The following TRPM7 variants were observed in gnomAD, a reference collection of about 807,000 sequenced individuals.
TRPM7 encodes the protein LTRPC ion channel family member 7.
In TRPM7, 134 loss-of-function variants were observed where a neutral mutation model predicts 229.7. The ratio of observed to expected loss-of-function variants is 0.58; its 90% CI spans 0.51 to 0.67. The LOEUF (loss-of-function observed/expected upper bound fraction) is 0.67, where lower values mean the gene tolerates loss of function less well. Ranked by LOEUF, TRPM7 falls within the 30% of genes least tolerant of loss-of-function variation. The pLI is 0.00. For missense variants in TRPM7, 1,901 were observed against 2,210.0 expected (o/e 0.86, Z 2.80); for synonymous variants, 699 against 715.2 (o/e 0.98, Z 0.36).
chr15:50,643,979 C>T (rs1018633889), intron 4 of TRPM7, among the ~76,000 whole-genome samples: 22 of 152,042 alleles, frequency 1.4e-4, no homozygotes, highest in African/African-American at 5.1e-4. Flanking sequence ...AAGGCTCTTG[C>T]TATGAAGAGA....
intron 29 of TRPM7, 137 bp from the exon 30 acceptor site, chr15:50,581,045 A>T (rs1027040426): frequency 1.5e-6 from 1 of 680,334 alleles, no homozygotes; most frequent in South Asian, 2.6e-5. Flanking sequence ...TTGTTTCATA[A>T]AACAATAAAT....
intron 12 of TRPM7, among the ~76,000 whole-genome samples, chr15:50,621,652 C>T (rs1490955408): frequency 1.3e-5 from 2 of 152,084 alleles, no homozygotes; most frequent in Non-Finnish European, 2.9e-5. Context: ...TACGAGAATC[C>T]AGCTGCTTTT....
At chr15:50,686,218 G>C (rs533279272) in intron 1 of TRPM7, among the ~76,000 whole-genome samples, 1 of 152,226 alleles carries the variant, frequency 6.6e-6, no homozygotes, top group East Asian at 1.9e-4. Flanking sequence ...CGCTGAGGCC[G>C]CTCAGCTGAG....
intron 1 of TRPM7, among the ~76,000 whole-genome samples, chr15:50,673,560 G>C (rs1046787133): frequency 9.2e-5 from 14 of 152,082 alleles, no homozygotes; most frequent in Admixed American, 9.2e-4. Flanking sequence ...TTAGAATTAA[G>C]AGTCTCCAAT....
chr15:50,682,553 G>A (rs1413355948), intron 1 of TRPM7, among the ~76,000 whole-genome samples: 1 of 150,480 alleles, frequency 6.6e-6, no homozygotes, highest in Non-Finnish European at 1.5e-5. Context: ...TCCAGCCTGG[G>A]CGACAAGAGG....
intron 17 of TRPM7, 92 bp downstream of exon 17, chr15:50,611,001 C>T: frequency 2.0e-6 from 2 of 986,444 alleles, no homozygotes; most frequent in Non-Finnish European, 1.5e-6. Flanking sequence ...ATTACACTCA[C>T]ACATCAAGGC....
intron 3 of TRPM7, among the ~76,000 whole-genome samples, chr15:50,650,957 G>C (rs1222010718): frequency 2.6e-5 from 4 of 152,192 alleles, no homozygotes; most frequent in Non-Finnish European, 5.9e-5. Context: ...TGAAAATGGA[G>C]ACCGGCAGTT....
intron 27 of TRPM7, among the ~76,000 whole-genome samples, chr15:50,589,319 CAAAA>C (rs34653276): frequency 2.5e-5 from 2 of 81,616 alleles, no homozygotes; most frequent in African/African-American, 4.5e-5. Context: ...GACTCCGTCT[CAAAA>C]AAAAAAAAAA....
intron 1 of TRPM7, among the ~76,000 whole-genome samples, chr15:50,668,661 C>A (rs1390803887): frequency 1.3e-5 from 2 of 152,154 alleles, no homozygotes; most frequent in African/African-American, 2.4e-5. Context: ...ATGCCCGCCA[C>A]CACACCAAGC....
chr15:50,570,603 G>T (rs2053831016), intron 36 of TRPM7, among the ~76,000 whole-genome samples: 1 of 151,612 alleles, frequency 6.6e-6, no homozygotes, highest in Non-Finnish European at 1.5e-5. Context: ...AGCACTTTGG[G>T]CGGCCAAGGC....
intron 4 of TRPM7, among the ~76,000 whole-genome samples, chr15:50,643,806 C>T (rs1567070181): frequency 1.3e-5 from 2 of 152,152 alleles, no homozygotes. Context: ...GTTACTCTTT[C>T]TGTTTAAACT....
intron 6 of TRPM7, among the ~76,000 whole-genome samples, chr15:50,637,888 T>C (rs1398148702): frequency 6.6e-6 from 1 of 152,180 alleles, no homozygotes; most frequent in Non-Finnish European, 1.5e-5. Flanking sequence ...AAATAAACTA[T>C]TATCAGATTA....
intron 12 of TRPM7, among the ~76,000 whole-genome samples, chr15:50,620,651 C>G (rs2060368240): frequency 6.6e-6 from 1 of 152,148 alleles, no homozygotes; most frequent in African/African-American, 2.4e-5. Context: ...TTATTTAGGG[C>G]TGGGCGCGGT....
intron 13 of TRPM7, among the ~76,000 whole-genome samples, chr15:50,616,630 A>C (rs190962596): frequency 2.0e-5 from 3 of 152,294 alleles, no homozygotes; most frequent in African/African-American, 7.2e-5. Context: ...CTCTAAAGTT[A>C]GACTGTGGCA....
chr15:50,608,523 T>G (rs2059980503), intron 19 of TRPM7, among the ~76,000 whole-genome samples: 1 of 152,194 alleles, frequency 6.6e-6, no homozygotes, highest in African/African-American at 2.4e-5. Flanking sequence ...GCCATTCACA[T>G]GAATGCAAAT....
chr15:50,613,532 A>G (rs569715442), intron 15 of TRPM7, among the ~76,000 whole-genome samples, 175 bp downstream of exon 15: 19 of 151,132 alleles, frequency 1.3e-4, no homozygotes, highest in African/African-American at 4.4e-4. Context: ...AAAGGAACAG[A>G]ATCATTAACT....
At chr15:50,664,085 G>C (rs2061813366) in intron 1 of TRPM7, among the ~76,000 whole-genome samples, 1 of 152,098 alleles carries the variant, frequency 6.6e-6, no homozygotes, top group South Asian at 2.1e-4. Context: ...GGATCACAAA[G>C]TCAGAAGACC....
rs1567057228 is a variant in TRPM7 at position 50,637,496 on chromosome 15, A to G, written c.758T>C (p.Val253Ala). ...TCTGACTTCCGCCCCATACTTTCCA[A>G]CAGTGCCATCATCCACCAATATGAA... ...SHFILVDDGT[V>A]GKYGAEVRLR... Residue 253 changes from valine to alanine, a missense_variant, in exon 7 of 39, where the codon GTT (valine) becomes GCT (alanine). Val to Ala is a moderately conservative substitution (Grantham distance 64). Transcript: ENST00000646667. 1.9e-6 allele frequency: 3 copies of G among 1,614,130 alleles called. No individual in the cohort carries two copies. The highest frequency in any genetic ancestry group is 2.5e-6 in the Non-Finnish European group (3 of 1,180,016).
chr15:50,659,856 C>T lies in TRPM7; in HGVS notation c.84-2037G>A, dbSNP rs1476090126. 5.3e-5 allele frequency among the ~76,000 whole-genome samples: 8 copies of T among 152,088 alleles called. No homozygotes were observed. The East Asian group carries it at 1.5e-3, about 29-fold the overall frequency. Reference sequence around the variant, plus strand: ...CTAGTTTTTATATTTTTAGTAGAGACGCGGTTTCACCATGTTGGCCAGGCT... The same window carrying T: ...CTAGTTTTTATATTTTTAGTAGAGATGCGGTTTCACCATGTTGGCCAGGCT... On this transcript the variant is annotated intron_variant, in intron 2 of 38. Transcript: ENST00000646667.
Sources: allele counts gnomAD v4.1 joint callset (sites outside exome capture counted in the v4.1 genomes callset), GRCh38; gene constraint gnomAD v4.1.1; transcripts MANE v1.5; gene names NCBI Gene and HGNC (gene_info 2026-07-23, HGNC 2026-07-21).